The following PLCL1 variants were observed in gnomAD, a reference collection of about 807,000 sequenced individuals.
PLCL1 encodes phospholipase C like 1 (inactive).
PLCL1 carries 41 observed loss-of-function variants against 84.4 expected under a neutral mutation model. The observed-to-expected ratio is 0.49, with a 90% confidence interval of 0.38 to 0.63. The LOEUF is 0.63. PLCL1 is among the 30% of genes least tolerant of loss of function. The probability of loss-of-function intolerance (pLI) is 0.00; values close to 1 mark genes in which losing one functional copy is unlikely to be tolerated. For missense variants in PLCL1, 1,206 were observed against 1,367.8 expected (o/e 0.88, Z 1.87); for synonymous variants, 490 against 488.3 (o/e 1.00, Z -0.05).
chr2:197,980,079 C>T lies in PLCL1; in HGVS notation c.241-103679C>T, dbSNP rs547204839. Among the ~76,000 whole-genome samples the T allele has an allele frequency of 3.9e-5, 6 of 152,224 alleles. No homozygotes were observed. In the East Asian group the frequency reaches 5.8e-4, roughly 15 times the overall value. ...GAGACTCCATGCATTAGAACAAACT[C>T]GAGGAGTTAGTGCCTGACTCTGTGT... On this transcript the variant is annotated intron_variant, in intron 1 of 5. Transcript: ENST00000428675.
chr2:198,032,363 T>A (rs1166714306), intron 1 of PLCL1, among the ~76,000 whole-genome samples: 1 of 152,206 alleles, frequency 6.6e-6, no homozygotes, highest in East Asian at 1.9e-4. Flanking sequence ...AATACCTAAT[T>A]GCCATTTTAA....
intron 1 of PLCL1, among the ~76,000 whole-genome samples, chr2:197,976,113 G>A (rs985323369): frequency 1.1e-4 from 17 of 152,040 alleles, no homozygotes; most frequent in African/African-American, 2.4e-4. Context: ...TTCACTCGTC[G>A]TCATTTCTTT....
chr2:197,885,539 C>T (rs576365991), intron 1 of PLCL1, among the ~76,000 whole-genome samples: 6 of 152,314 alleles, frequency 3.9e-5, no homozygotes, highest in Non-Finnish European at 8.8e-5. Context: ...ATGCTAATCT[C>T]ATCCGGAAAC....
intron 1 of PLCL1, among the ~76,000 whole-genome samples, chr2:197,998,486 T>TGC (rs1690522544): frequency 6.6e-6 from 1 of 152,144 alleles, no homozygotes; most frequent in Non-Finnish European, 1.5e-5. Context: ...AAATCATTAT[T>TGC]TGTCCCTTCA....
intron 1 of PLCL1, among the ~76,000 whole-genome samples, chr2:197,977,531 C>T (rs1690012155): frequency 6.6e-6 from 1 of 152,208 alleles, no homozygotes; most frequent in Non-Finnish European, 1.5e-5. Flanking sequence ...TCTTATCAAG[C>T]CCCACCTACT....
intron 1 of PLCL1, among the ~76,000 whole-genome samples, chr2:197,986,948 C>T (rs374509675): frequency 2.2e-4 from 34 of 152,274 alleles, no homozygotes; most frequent in Non-Finnish European, 4.0e-4. Context: ...TCAGGTTCTA[C>T]GAAGTTAAGC....
At chr2:197,898,248 G>A (rs1445031521) in intron 1 of PLCL1, among the ~76,000 whole-genome samples, 3 of 152,096 alleles carry the variant, frequency 2.0e-5, no homozygotes, top group Non-Finnish European at 4.4e-5. Context: ...GGGCCTTCTT[G>A]CCTTAACTAT....
At chr2:197,989,816 G>T (rs540889781) in intron 1 of PLCL1, among the ~76,000 whole-genome samples, 2 of 152,284 alleles carry the variant, frequency 1.3e-5, no homozygotes, top group African/African-American at 4.8e-5. Flanking sequence ...AAAACAGCTT[G>T]CTCAGGAGAG....
chr2:198,091,781 G>A (rs1693049144), intron 3 of PLCL1, among the ~76,000 whole-genome samples: 1 of 151,034 alleles, frequency 6.6e-6, no homozygotes, highest in African/African-American at 2.4e-5. Context: ...ATCAAATCAA[G>A]TCACTTTCCT....
chr2:198,105,659 C>T (rs927019066), intron 5 of PLCL1, among the ~76,000 whole-genome samples: 51 of 146,782 alleles, frequency 3.5e-4, no homozygotes, highest in South Asian at 6.6e-4. Context: ...TGAATACTTA[C>T]GTTCAAGTCA....
intron 5 of PLCL1, among the ~76,000 whole-genome samples, chr2:198,142,659 C>T (rs150324209): frequency 1.3e-5 from 2 of 152,268 alleles, no homozygotes; most frequent in Non-Finnish European, 2.9e-5. Context: ...ACCTTACATT[C>T]AGAAGCCAAA....
At chr2:197,851,365 C>A (rs899323560) in intron 1 of PLCL1, among the ~76,000 whole-genome samples, 1 of 152,144 alleles carries the variant, frequency 6.6e-6, no homozygotes, top group Admixed American at 6.5e-5. Flanking sequence ...TTAGTAATTA[C>A]GTAGCTTATC....
At chr2:198,035,477 T>TTTTG (rs949879422) in intron 1 of PLCL1, among the ~76,000 whole-genome samples, 3 of 152,188 alleles carry the variant, frequency 2.0e-5, no homozygotes, top group Non-Finnish European at 2.9e-5. Flanking sequence ...TGTTTTTTGT[T>TTTTG]TTTGTTTGTT....
At chr2:198,127,833 AG>A (rs1338932968) in intron 5 of PLCL1, among the ~76,000 whole-genome samples, 1 of 152,156 alleles carries the variant, frequency 6.6e-6, no homozygotes, top group Non-Finnish European at 1.5e-5. Context: ...AGTCCAAAGC[AG>A]GGGAGCCACC....
intron 5 of PLCL1, among the ~76,000 whole-genome samples, chr2:198,114,735 C>T (rs1022010460): frequency 1.3e-5 from 2 of 151,702 alleles, no homozygotes; most frequent in Non-Finnish European, 2.9e-5. Context: ...AAATGGGCTA[C>T]ATCTATCTAA....
chr2:197,946,575 T>A (rs1440296480), intron 1 of PLCL1, among the ~76,000 whole-genome samples: 1 of 152,132 alleles, frequency 6.6e-6, no homozygotes, highest in Non-Finnish European at 1.5e-5. Flanking sequence ...TATGAACAGA[T>A]AACTAACATT....
intron 1 of PLCL1, among the ~76,000 whole-genome samples, chr2:198,010,262 T>G (rs1451842000): frequency 6.6e-6 from 1 of 151,950 alleles, no homozygotes; most frequent in Non-Finnish European, 1.5e-5. Context: ...GAGTAAAAGC[T>G]TTTAGTCTTT....
At chr2:197,818,105 G>GGA (rs1690729514) in intron 1 of PLCL1, among the ~76,000 whole-genome samples, 2 of 151,994 alleles carry the variant, frequency 1.3e-5, no homozygotes, top group South Asian at 4.1e-4. Context: ...CCCAGCTCTA[G>GGA]GAAAGTCCAG....
chr2:198,132,747 G>T (rs1036167020), intron 5 of PLCL1, among the ~76,000 whole-genome samples: 2 of 152,040 alleles, frequency 1.3e-5, no homozygotes, highest in Non-Finnish European at 2.9e-5. Context: ...CAGATGAGTA[G>T]GTTGCGAAAA....
Sources: allele counts gnomAD v4.1 joint callset (sites outside exome capture counted in the v4.1 genomes callset), GRCh38; gene constraint gnomAD v4.1.1; transcripts MANE v1.5; gene names NCBI Gene and HGNC (gene_info 2026-07-23, HGNC 2026-07-21).